The following ABCC10 variants were observed in gnomAD, a reference collection of about 807,000 sequenced individuals.
ABCC10 encodes ATP binding cassette subfamily C member 10.
Under a neutral mutation model 143.2 loss-of-function variants are expected in ABCC10, and 110 were observed. The observed-to-expected ratio is 0.77, with a 90% CI of 0.66 to 0.90. ABCC10 has a LOEUF of 0.90. Ranked by LOEUF, ABCC10 falls within the 40% of genes least tolerant of loss-of-function variation. The pLI is 0.00. For missense variants in ABCC10, 1,700 were observed against 1,900.5 expected (o/e 0.89, Z 1.96); for synonymous variants, 805 against 846.7 (o/e 0.95, Z 0.85).
intron 14 of ABCC10, 94 bp downstream of exon 14, chr6:43,445,408 C>A: frequency 7.0e-7 from 1 of 1,425,872 alleles, no homozygotes; most frequent in South Asian, 1.3e-5. Flanking sequence ...ATGGGAGAGT[C>A]TTTCCTGCCC....
In ABCC10 at chr6:43,443,860, C is replaced by A; in HGVS notation, c.2417-73C>A. 1.4e-6 allele frequency: 2 copies of A among 1,439,874 alleles called. No homozygotes were observed. The highest frequency in any genetic ancestry group is 2.0e-6 in the Non-Finnish European group (2 of 1,021,864). The allele number at this position is 1,439,874 out of a possible 1,614,324, so 89.2% of individuals were successfully genotyped here. A position where few individuals can be genotyped will look rare whatever the true frequency, so the allele number is the denominator to read the frequency against. On this transcript the variant is annotated intron_variant, in intron 10 of 21. Transcript: ENST00000372530. The surrounding 1 kb of genome is among the most constrained non-coding windows in gnomAD (Gnocchi z 4.2). ...GGCCTGAGAGGATGAGAGGTGGGAT[C>A]TGCACACGCACTGAGAAAGGCATAG...
chr6:43,448,067 C>T (rs1783312995), intron 18 of ABCC10, 130 bp downstream of exon 18: 2 of 1,398,790 alleles, frequency 1.4e-6, no homozygotes, highest in Admixed American at 2.0e-5. Context: ...AAATGGAGGA[C>T]AGGATGAGCA....
In ABCC10 at chr6:43,447,082, G is replaced by A. The variant is rs566544116; in HGVS notation, c.3545-166G>A. 67 of 954,624 alleles carry A rather than the reference G, an allele frequency of 7.0e-5. No homozygotes were observed. In the African/African-American group the frequency reaches 9.0e-4, roughly 13 times the overall value. 59.1% of individuals were successfully genotyped at this position (954,624 alleles called of 1,614,324 possible). ...AGGCTGGTCTCAAACTCCTGACCTC[G>A]TGATCCACCTGCCTTGGCCTCCCAA... On this transcript the variant is annotated intron_variant, in intron 16 of 21. Transcript: ENST00000372530.
chr6:43,430,833 G>A (rs7454297), intron 2 of ABCC10: 132,695 of 151,320 alleles, frequency 0.88, 58,267 homozygotes, highest in East Asian at 0.95. Context: ...AGCGATTCTC[G>A]TGCCTCAGTG....
intron 6 of ABCC10, 27 bp downstream of exon 6, chr6:43,436,274 G>A (rs377249484): frequency 9.3e-6 from 15 of 1,607,476 alleles, no homozygotes; most frequent in Non-Finnish European, 1.0e-5. Context: ...CCCTGGGAGA[G>A]TCCTCAGACT....
chr6:43,439,995 C>T (rs187948367), intron 8 of ABCC10, among the ~76,000 whole-genome samples: 4 of 150,264 alleles, frequency 2.7e-5, no homozygotes, highest in South Asian at 2.1e-4. Flanking sequence ...CTTGCTCTGT[C>T]GCTCAGGCTG....
rs1247070752 is a variant in ABCC10 at position 43,433,250 on chromosome 6, G to A, written c.1270G>A (p.Val424Met). 23 of 1,614,176 alleles carry A rather than the reference G, an allele frequency of 1.4e-5. No individual in the cohort carries two copies. The highest frequency in any genetic ancestry group is 2.7e-5 in the African/African-American group (2 of 75,046). Residue 424 changes from valine (V) to methionine (M), a missense_variant, in exon 3 of 22, where the codon GTG becomes ATG. Coordinates refer to ENST00000372530, the MANE Select transcript of ABCC10 (RefSeq NM_001198934.2). Reference protein sequence around the residue: ...LLYQQVGVAFVGGLILALLLV... With the variant: ...LLYQQVGVAFMGGLILALLLV... ...GTACCAGCAGGTAGGCGTGGCCTTC[G>A]TGGGTGGTCTCATCTTGGCACTGCT... is the stretch of plus-strand genomic sequence containing the variant.
At chr6:43,450,746 G>A, downstream of ABCC10, 1 of 1,614,192 alleles carries the variant, frequency 6.2e-7, no homozygotes, top group Non-Finnish European at 8.5e-7. The surrounding 1 kb of genome is among the most constrained non-coding windows in gnomAD (Gnocchi z 4.5). Context: ...CAGCAGTGAG[G>A]GCCCCAAACA....
intron 21 of ABCC10, 108 bp downstream of exon 21, chr6:43,449,642 C>G (rs1783543135): frequency 1.1e-5 from 10 of 925,350 alleles, no homozygotes; most frequent in Admixed American, 2.7e-5. Context: ...GATCCTGCCC[C>G]CCCAGATCTC....
In ABCC10 at chr6:43,432,753, A is replaced by T. The variant is rs1468179776; in HGVS notation, c.773A>T (p.Tyr258Phe). 1 of 1,614,148 alleles carries T rather than the reference A, an allele frequency of 6.2e-7. No homozygotes were observed. The highest frequency in any genetic ancestry group is 2.2e-5 in the East Asian group (1 of 44,886). The part of the protein sequence containing the change: ...CRLPHRLQPT[Y>F]LARVFQAHWQ... ...CTCCCCCACAGACTGCAGCCAACCTACCTGGCTCGTGTCTTCCAGGCACAC... is the reference window on the plus strand; with the variant it reads ...CTCCCCCACAGACTGCAGCCAACCTTCCTGGCTCGTGTCTTCCAGGCACAC... Residue 258 changes from tyrosine to phenylalanine, a missense_variant, in exon 3 of 22, where the codon TAC becomes TTC. Physicochemically the swap from Tyr to Phe is conservative, Grantham distance 22. Coordinates refer to ENST00000372530, the MANE Select transcript of ABCC10 (RefSeq NM_001198934.2).
intron 9 of ABCC10, chr6:43,442,185 C>G (rs978253188): frequency 2.2e-5 from 8 of 368,070 alleles, no homozygotes; most frequent in Non-Finnish European, 2.5e-5. Context: ...TGGCTTAGGT[C>G]TGTAATCCCA....
At chr6:43,435,620 G>A in intron 4 of ABCC10, 131 bp from the exon 5 acceptor site, 1 of 1,101,772 alleles carries the variant, frequency 9.1e-7, no homozygotes, top group Non-Finnish European at 1.3e-6. Flanking sequence ...TCTGATCCCA[G>A]GATTGGCCAG....
rs144509707 is a variant in ABCC10 at position 43,447,899 on chromosome 6, C to T, written c.3921C>T (p.Asp1307=). 67 of 1,613,634 alleles carry T rather than the reference C, an allele frequency of 4.2e-5. No homozygotes were observed. The highest frequency in any genetic ancestry group is 9.3e-5 in the African/African-American group (7 of 74,924). The change falls in exon 18 of 22, where the codon GAC becomes GAT. Residue 1307 remains aspartate (D), a synonymous_variant. Coordinates refer to ENST00000372530, the MANE Select transcript of ABCC10 (RefSeq NM_001198934.2). ...LEPSSGRVLL[D]GVDTSQLELA... is the part of the protein sequence containing the mutation. Reference sequence around the variant, plus strand: ...CCAGTTCAGGGCGAGTGCTGCTGGACGGCGTGGACACCAGCCAGCTGGAGC... The same window carrying T: ...CCAGTTCAGGGCGAGTGCTGCTGGATGGCGTGGACACCAGCCAGCTGGAGC...
At chr6:43,441,996 TG>T in intron 9 of ABCC10, 36 bp downstream of exon 9, 7 of 1,584,270 alleles carry the variant, frequency 4.4e-6, no homozygotes, top group East Asian at 2.2e-5. Flanking sequence ...GGCAGGGAGG[TG>T]GGGGGAGTCC....
chr6:43,443,554 G>A lies in ABCC10; in HGVS notation c.2417-379G>A. The A allele has an allele frequency of 3.6e-6, 1 of 274,570 alleles. No homozygotes were observed. The highest frequency in any genetic ancestry group is 6.9e-6 in the Non-Finnish European group (1 of 145,456). The allele number at this position is 274,570 out of a possible 1,614,324, so 17.0% of individuals were successfully genotyped here. On this transcript the variant is annotated intron_variant, in intron 10 of 21. Transcript: ENST00000372530. This position sits in a 1 kb window ranked among gnomAD's most constrained non-coding sequence, Gnocchi z 4.2. Reference sequence around the variant, plus strand: ...CAAGTTTACTGGGAGAGAAATAGGAGGAAATGAAGCTCCAGCCAGATATTA... The same window carrying A: ...CAAGTTTACTGGGAGAGAAATAGGAAGAAATGAAGCTCCAGCCAGATATTA...
Position 43,443,140 on chromosome 6 carries a change from C to T in ABCC10, c.2397C>T (p.Ala799=), listed in dbSNP as rs758138720. The change falls in exon 10 of 22, where the codon GCC becomes GCT. Residue 799 remains alanine (A), a synonymous_variant. Coordinates refer to ENST00000372530, the MANE Select transcript of ABCC10 (RefSeq NM_001198934.2). The surrounding 1 kb of genome is among the most constrained non-coding windows in gnomAD (Gnocchi z 4.2). ...CTGACGCGGTGCTGCTGATGGAGGCCGGGCGCCTCATCCGGGCTGGTAATG... is the reference window on the plus strand; with the variant it reads ...CTGACGCGGTGCTGCTGATGGAGGCTGGGCGCCTCATCCGGGCTGGTAATG... ...ERADAVLLME[A]GRLIRAGPPS... 5.5e-5 allele frequency: 88 copies of T among 1,603,008 alleles called. No homozygotes were observed. Among genetic ancestry groups the T allele is most frequent in the East Asian group, 1.1e-4 (5 of 44,776 alleles).
intron 2 of ABCC10, 23 bp downstream of exon 2, chr6:43,428,162 C>A (rs1291631803): frequency 1.3e-6 from 2 of 1,509,428 alleles, no homozygotes; most frequent in South Asian, 2.5e-5. Flanking sequence ...GGGCGCAAGG[C>A]ATCTGTCCAT....
rs1392224958 is a variant in ABCC10 at position 43,447,800 on chromosome 6, G to A, written c.3822G>A (p.Glu1274=). 1 of 1,613,698 alleles carries A rather than the reference G, an allele frequency of 6.2e-7. No individual in the cohort carries two copies. ...DGVTFCVQPG[E]KLGIVGRTGS... is the part of the protein sequence containing the mutation. ...TGACCTTCTGCGTGCAGCCTGGAGA[G>A]AAGTTGGGCATCGTGGGCCGCACAG... The change falls in exon 18 of 22, where the codon GAG becomes GAA. Residue 1274 remains glutamate, a synonymous_variant. Transcript: ENST00000372530.
intron 20 of ABCC10, 56 bp from the exon 21 acceptor site, chr6:43,449,366 A>G: frequency 1.3e-6 from 2 of 1,545,922 alleles, no homozygotes; most frequent in African/African-American, 1.4e-5. Flanking sequence ...GCCAGGCCCA[A>G]CCCACCCTGC....
Sources: gnomAD v4.1 joint callset for allele counts (sites outside exome capture counted in the v4.1 genomes callset) on GRCh38, gnomAD v4.1.1 for gene constraint, Gnocchi (gnomAD v3.1) non-coding constraint, MANE v1.5 for transcripts, NCBI Gene and HGNC (gene_info 2026-07-23, HGNC 2026-07-21) for gene names.